CDC5L: variants seen among roughly 807,000 people sequenced by gnomAD.
The protein encoded by CDC5L is cell division cycle 5-like protein.
Under a neutral mutation model 104.1 loss-of-function variants are expected in CDC5L, and 18 were observed. The observed-to-expected ratio is 0.17, with a 90% CI of 0.12 to 0.26. The LOEUF (loss-of-function observed/expected upper bound fraction) is 0.26. Ranked by LOEUF, CDC5L falls within the 10% of genes least tolerant of loss-of-function variation. The probability of loss-of-function intolerance (pLI) is 1.00; values close to 1 mark genes in which losing one functional copy is unlikely to be tolerated. For missense variants in CDC5L, 673 were observed against 956.9 expected, an observed-to-expected ratio of 0.70 and a Z score of 3.91; for synonymous variants, 331 against 322.7, an observed-to-expected ratio of 1.03 and a Z score of -0.28.
At chr6:44,411,637 A>AGAGTGTGT in intron 8 of CDC5L, among the ~76,000 whole-genome samples, 1 of 123,646 alleles carries the variant, frequency 8.1e-6, no homozygotes, top group Non-Finnish European at 1.7e-5. Flanking sequence ...AGAGAGAGAG[A>AGAGTGTGT]GTGTGTGTGT....
chr6:44,391,793 G>T (rs1245674874), intron 2 of CDC5L, among the ~76,000 whole-genome samples: 1 of 152,122 alleles, frequency 6.6e-6, no homozygotes, highest in Non-Finnish European at 1.5e-5. Context: ...ATCACCTGAG[G>T]TCAGGAGTTT....
rs200133308 is a variant in CDC5L, at chr6:44,450,141, GGT to G, written c.*3434_*3435del. ...GGCCTCCCAAAGTGCTAGAATTACA[GGT>G]GTGAGCCACCATGCCCAGCCTGGTT... On this transcript the variant is annotated 3_prime_UTR_variant, in exon 16 of 16. Coordinates refer to ENST00000371477, the MANE Select transcript of CDC5L (RefSeq NM_001253.4). The G allele has an allele frequency of 1.5e-3, 223 of 152,338 alleles. 5 individuals carry two copies. The East Asian group carries it at 0.018, about 12-fold the overall frequency. 9.4% of individuals were successfully genotyped at this position (152,338 alleles called of 1,614,324 possible).
chr6:44,435,251 AC>A (rs1048948361), intron 14 of CDC5L, among the ~76,000 whole-genome samples: 4 of 151,570 alleles, frequency 2.6e-5, no homozygotes, highest in African/African-American at 9.7e-5. Flanking sequence ...GGTAAGTGGA[AC>A]CTTTTTTTCT....
At chr6:44,415,803 T>C (rs530412959) in intron 8 of CDC5L, among the ~76,000 whole-genome samples, 10 of 152,278 alleles carry the variant, frequency 6.6e-5, no homozygotes, top group African/African-American at 2.4e-4. Context: ...TCTGTTACTA[T>C]GGAGGAAGAG....
Position 44,408,604 on chromosome 6 carries a change from C to T in CDC5L, c.1064C>T (p.Thr355Ile). 1 of 1,607,630 alleles carries T rather than the reference C, an allele frequency of 6.2e-7. No homozygotes were observed. The change falls in exon 8 of 16, where the codon ACA becomes ATA. Residue 355 changes from threonine to isoleucine, a missense_variant. Transcript: ENST00000371477. ...NNSVALRTPR[T>I]PASQDRILQE... Reference sequence around the variant, plus strand: ...AGCGTTGCTCTTAGAACACCACGAACACCAGCTTCCCAGGACAGAATTCTG... The same window carrying T: ...AGCGTTGCTCTTAGAACACCACGAATACCAGCTTCCCAGGACAGAATTCTG...
intron 2 of CDC5L, 109 bp downstream of exon 2, chr6:44,390,480 A>G: frequency 1.4e-6 from 1 of 726,634 alleles, no homozygotes; most frequent in Non-Finnish European, 2.2e-6. Flanking sequence ...TAATATAACA[A>G]GGCATGGAGT....
At chr6:44,404,081 C>A in intron 6 of CDC5L, 54 bp downstream of exon 6, 1 of 1,257,054 alleles carries the variant, frequency 8.0e-7, no homozygotes, top group Non-Finnish European at 1.1e-6. Context: ...AGGAGTCTTA[C>A]GAAGGGCCAA....
At chr6:44,421,182 A>C (rs1792154990) in intron 9 of CDC5L, among the ~76,000 whole-genome samples, 1 of 152,224 alleles carries the variant, frequency 6.6e-6, no homozygotes, top group African/African-American at 2.4e-5. Context: ...CCAATCCATC[A>C]TAATTTTTAA....
At chr6:44,405,806 A>T (rs1237326842) in intron 6 of CDC5L, among the ~76,000 whole-genome samples, 1 of 152,032 alleles carries the variant, frequency 6.6e-6, no homozygotes, top group East Asian at 1.9e-4. Context: ...CCTTATTGAT[A>T]ATTTTGTTGC....
chr6:44,440,796 C>T (rs1793151873), intron 14 of CDC5L, among the ~76,000 whole-genome samples: 1 of 150,914 alleles, frequency 6.6e-6, no homozygotes, highest in Non-Finnish European at 1.5e-5. Context: ...CAACCTCTGC[C>T]TCCTGGGTTC....
intron 13 of CDC5L, 50 bp from the exon 14 acceptor site, chr6:44,429,663 T>C (rs1792590232): frequency 6.6e-7 from 1 of 1,506,078 alleles, no homozygotes; most frequent in South Asian, 1.1e-5. Flanking sequence ...TCTCTGGATA[T>C]GGCAAGTGTT....
At chr6:44,407,091 T>C (rs1353668730) in intron 7 of CDC5L, among the ~76,000 whole-genome samples, 1 of 152,218 alleles carries the variant, frequency 6.6e-6, no homozygotes, top group African/African-American at 2.4e-5. Flanking sequence ...GGTAGGGCTT[T>C]AGGCTTCTTT....
chr6:44,426,750 C>G, intron 13 of CDC5L, 26 bp downstream of exon 13: 2 of 1,607,468 alleles, frequency 1.2e-6, no homozygotes, highest in Non-Finnish European at 1.7e-6. Context: ...AATATTTCTT[C>G]TTGAGATTTA....
chr6:44,441,710 G>C (rs934119053), intron 14 of CDC5L, among the ~76,000 whole-genome samples: 1 of 152,082 alleles, frequency 6.6e-6, no homozygotes, highest in East Asian at 1.9e-4. Context: ...CTGATGATTA[G>C]AGATGTTAAG....
In CDC5L at chr6:44,426,716, C is replaced by A. The variant is rs1157089269; in HGVS notation, c.1885C>A (p.Leu629Met). Residue 629 changes from leucine to methionine, a missense_variant, in exon 13 of 16, where the codon CTG (leucine) becomes ATG (methionine). Around this residue, in one of 4 missense-constraint regions of CDC5L, gnomAD observed 578 missense variants for 737.0 expected, o/e 0.78. Coordinates refer to ENST00000371477, the MANE Select transcript of CDC5L (RefSeq NM_001253.4). ...TTATGAAAAGTTCTCCAAAGAAGAG[C>A]TGAAAAAGGTATGATTGAGCTGGAA... ...NPYEKFSKEELKKAQDVLVQE... is the reference protein window; with the variant it reads ...NPYEKFSKEEMKKAQDVLVQE... The A allele has an allele frequency of 6.2e-7, 1 of 1,612,080 alleles. No individual in the cohort carries two copies. The highest frequency in any genetic ancestry group is 1.7e-5 in the Admixed American group (1 of 59,884).
intron 4 of CDC5L, among the ~76,000 whole-genome samples, chr6:44,395,839 A>G (rs1463561044): frequency 6.6e-6 from 1 of 152,186 alleles, no homozygotes; most frequent in Non-Finnish European, 1.5e-5. Flanking sequence ...CATTCTATAG[A>G]GCCACGAAAA....
intron 13 of CDC5L, 32 bp from the exon 14 acceptor site, chr6:44,429,681 C>A (rs749907261): frequency 1.3e-5 from 20 of 1,594,082 alleles, no homozygotes; most frequent in South Asian, 2.2e-5. Context: ...GTTTGTAGTA[C>A]TTAAACTTAT....
intron 13 of CDC5L, 49 bp from the exon 14 acceptor site, chr6:44,429,664 G>A: frequency 6.6e-7 from 1 of 1,511,822 alleles, no homozygotes; most frequent in Non-Finnish European, 9.2e-7. Flanking sequence ...CTCTGGATAT[G>A]GCAAGTGTTT....
intron 5 of CDC5L, among the ~76,000 whole-genome samples, chr6:44,398,503 T>C (rs991347131): frequency 6.6e-6 from 1 of 152,246 alleles, no homozygotes; most frequent in Non-Finnish European, 1.5e-5. Flanking sequence ...GTAAGTTATA[T>C]TCTAACAGGC....
Sources: allele counts gnomAD v4.1 joint callset (sites outside exome capture counted in the v4.1 genomes callset), GRCh38; gene constraint gnomAD v4.1.1; regional missense constraint gnomAD v4.1.1; transcripts MANE v1.5; gene names NCBI Gene and HGNC (gene_info 2026-07-23, HGNC 2026-07-21).